LSAMP: variants seen among roughly 807,000 people sequenced by gnomAD.
LSAMP encodes the protein limbic system-associated membrane protein.
Under a neutral mutation model 38.6 loss-of-function variants are expected in LSAMP, and 7 were observed. The observed-to-expected ratio is 0.18, with a 90% CI of 0.10 to 0.34. The LOEUF (loss-of-function observed/expected upper bound fraction) is 0.34, where lower values mean the gene tolerates loss of function less well. LSAMP is among the 10% of genes least tolerant of loss of function. The pLI is 1.00. For synonymous variants in LSAMP, 154 were observed against 166.8 expected, an observed-to-expected ratio of 0.92 and a Z score of 0.59; for missense variants, 313 against 420.0, an observed-to-expected ratio of 0.75 and a Z score of 2.23.
chr3:116,107,027 C>A (rs28795415), intron 1 of LSAMP, among the ~76,000 whole-genome samples: 1,624 of 152,178 alleles, frequency 0.011, 30 homozygotes, highest in African/African-American at 0.036. Flanking sequence ...CATAGCCTGC[C>A]TTTGCTGGTG....
chr3:116,262,663 A>T (rs1307467804), intron 1 of LSAMP, among the ~76,000 whole-genome samples: 1 of 152,214 alleles, frequency 6.6e-6, no homozygotes, highest in Non-Finnish European at 1.5e-5. Flanking sequence ...TGTATCAGGG[A>T]AGCTATCATT....
At position 116,195,891 on chromosome 3, in the gene LSAMP, A is replaced by T. The variant is rs142212213; in HGVS notation, c.156-109335T>A. ...GAATCTTTGGTGTGTTGGATCCAAG[A>T]ATCTATTTTTAAAATAAGCATACTT... On this transcript the variant is annotated intron_variant, in intron 1 of 6. Coordinates refer to ENST00000490035, the MANE Select transcript of LSAMP (RefSeq NM_002338.5). 2.0e-5 allele frequency among the ~76,000 whole-genome samples: 3 copies of T among 152,284 alleles called. No individual in the cohort carries two copies. The South Asian group carries it at 6.2e-4, about 32-fold the overall frequency.
chr3:115,947,381 G>C (rs1286012801), intron 3 of LSAMP, among the ~76,000 whole-genome samples: 1 of 152,158 alleles, frequency 6.6e-6, no homozygotes, highest in Non-Finnish European at 1.5e-5. Flanking sequence ...GTATGATGCT[G>C]TGCATGAACA....
intron 2 of LSAMP, among the ~76,000 whole-genome samples, chr3:116,062,250 T>C (rs1245341806): frequency 6.6e-6 from 1 of 152,222 alleles, no homozygotes; most frequent in African/African-American, 2.4e-5. Flanking sequence ...GGCCTATGCC[T>C]GTAATCCCAG....
chr3:115,883,725 T>C (rs1336007846), intron 3 of LSAMP, among the ~76,000 whole-genome samples: 1 of 152,026 alleles, frequency 6.6e-6, no homozygotes, highest in Non-Finnish European at 1.5e-5. Flanking sequence ...TATGCATTAC[T>C]GTAGATGTAT....
chr3:115,951,030 G>C (rs9829970), intron 3 of LSAMP, among the ~76,000 whole-genome samples: 117,976 of 152,036 alleles, frequency 0.78, 48,892 homozygotes, highest in East Asian at 0.98. Context: ...TAGGAAAGGA[G>C]ATCCTGTTCA....
intron 3 of LSAMP, among the ~76,000 whole-genome samples, chr3:115,854,369 G>C (rs1576151413): frequency 7.0e-6 from 1 of 143,352 alleles, no homozygotes; most frequent in Non-Finnish European, 1.5e-5. Context: ...TGCAAGCTCC[G>C]CCTCCCAGGT....
chr3:116,091,166 G>T lies in LSAMP; in HGVS notation c.156-4610C>A, dbSNP rs138113024. ...CAGGGACGTTCCATGCTGAGAAAAAGAATTCAGTGATATTTCTCCCATTTG... is the reference window on the plus strand; with the variant it reads ...CAGGGACGTTCCATGCTGAGAAAAATAATTCAGTGATATTTCTCCCATTTG... On this transcript the variant is annotated intron_variant, in intron 1 of 6. Coordinates refer to ENST00000490035, the MANE Select transcript of LSAMP (RefSeq NM_002338.5). Among the ~76,000 whole-genome samples, 414 of 152,316 alleles carry T rather than the reference G, an allele frequency of 2.7e-3. 17 individuals are homozygous for T. In the East Asian group the frequency reaches 0.072, roughly 27 times the overall value.
intron 1 of LSAMP, among the ~76,000 whole-genome samples, chr3:116,255,599 C>T (rs2046739819): frequency 6.6e-6 from 1 of 152,114 alleles, no homozygotes; most frequent in Admixed American, 6.6e-5. Context: ...AATCTTTTTT[C>T]CCCTCTTATT....
At chr3:115,941,537 A>T (rs1418369198) in intron 3 of LSAMP, among the ~76,000 whole-genome samples, 1 of 152,070 alleles carries the variant, frequency 6.6e-6, no homozygotes, top group Non-Finnish European at 1.5e-5. Flanking sequence ...CCATCAACAG[A>T]TAAATGTATT....
At chr3:116,310,435 T>C (rs763105274) in intron 1 of LSAMP, among the ~76,000 whole-genome samples, 28 of 152,200 alleles carry the variant, frequency 1.8e-4, no homozygotes, top group Non-Finnish European at 3.4e-4. Flanking sequence ...ATTTGGTGTA[T>C]GAGTGATTTT....
intron 3 of LSAMP, among the ~76,000 whole-genome samples, chr3:115,934,730 C>G (rs1246967756): frequency 2.0e-5 from 3 of 152,094 alleles, no homozygotes; most frequent in Admixed American, 2.0e-4. Flanking sequence ...AAGAATGATT[C>G]TGGGTTTGTG....
intron 1 of LSAMP, among the ~76,000 whole-genome samples, chr3:116,116,704 A>G (rs960387611): frequency 3.3e-5 from 5 of 151,764 alleles, no homozygotes; most frequent in Admixed American, 1.3e-4. Context: ...CAACAGAGCG[A>G]GATTCCATCT....
Position 116,357,472 on chromosome 3 carries a change from C to G in LSAMP, c.155+87405G>C, listed in dbSNP as rs578255946. Reference sequence around the variant, plus strand: ...TGCTGAGGTTATTCCAAAGCATGTACAGATGACATCTGTAGGTTTAAACGC... The same window carrying G: ...TGCTGAGGTTATTCCAAAGCATGTAGAGATGACATCTGTAGGTTTAAACGC... On this transcript the variant is annotated intron_variant, in intron 1 of 6. Transcript: ENST00000490035. 1.2e-4 allele frequency among the ~76,000 whole-genome samples: 19 copies of G among 152,098 alleles called. No individual in the cohort carries two copies. The East Asian group carries it at 3.5e-3, about 28-fold the overall frequency.
rs185353778 is a variant in LSAMP, at chr3:116,078,515, A to G, written c.388+7809T>C. 2.3e-3 allele frequency among the ~76,000 whole-genome samples: 346 copies of G among 151,956 alleles called. 1 individual carries two copies. Among genetic ancestry groups the G allele is most frequent in the African/African-American group, 7.8e-3 (325 of 41,442 alleles). ...TAAGTTTTTTGTATTTTTAGTAGAGATGGGGTTTCACCGTGTTAGCCAGGA... is the reference window on the plus strand; with the variant it reads ...TAAGTTTTTTGTATTTTTAGTAGAGGTGGGGTTTCACCGTGTTAGCCAGGA... On this transcript the variant is annotated intron_variant, in intron 2 of 6. Transcript: ENST00000490035.
At chr3:115,951,809 CT>C (rs1319810582) in intron 3 of LSAMP, among the ~76,000 whole-genome samples, 1 of 151,920 alleles carries the variant, frequency 6.6e-6, no homozygotes. Context: ...GGGACCACAC[CT>C]TCTGATTGTG....
chr3:116,039,673 A>C (rs576153662), intron 2 of LSAMP, among the ~76,000 whole-genome samples: 1 of 152,320 alleles, frequency 6.6e-6, no homozygotes, highest in South Asian at 2.1e-4. Flanking sequence ...TGGGAATAAA[A>C]TGCCTACACA....
chr3:115,989,536 C>T (rs1939608381), intron 3 of LSAMP, among the ~76,000 whole-genome samples: 1 of 152,010 alleles, frequency 6.6e-6, no homozygotes, highest in Non-Finnish European at 1.5e-5. Context: ...AATTGAAAAG[C>T]ACTCTATCAG....
chr3:116,356,083 C>T (rs1163687289), intron 1 of LSAMP, among the ~76,000 whole-genome samples: 1 of 151,908 alleles, frequency 6.6e-6, no homozygotes, highest in Non-Finnish European at 1.5e-5. Flanking sequence ...TAGCTATATA[C>T]CCAAAACAAA....
Sources: gnomAD v4.1 joint callset for allele counts (sites outside exome capture counted in the v4.1 genomes callset) on GRCh38, gnomAD v4.1.1 for gene constraint, MANE v1.5 for transcripts, NCBI Gene and HGNC (gene_info 2026-07-23, HGNC 2026-07-21) for gene names.